The following ZYG11B variants were observed in gnomAD, a reference collection of about 807,000 sequenced individuals.
ZYG11B encodes zyg-11 family member B, cell cycle regulator, also known as protein zyg-11 homolog B.
ZYG11B carries 36 observed loss-of-function variants against 82.4 expected under a neutral mutation model. That is an observed-to-expected ratio of 0.44 (90% CI 0.33 to 0.58). The LOEUF is 0.58. Ranked by LOEUF, ZYG11B falls within the 20% of genes least tolerant of loss-of-function variation. The pLI, the probability that ZYG11B is intolerant of heterozygous loss-of-function variation, is 0.02. For missense variants in ZYG11B, 552 were observed against 895.6 expected, an observed-to-expected ratio of 0.62 and a Z score of 4.90; for synonymous variants, 303 against 312.8, an observed-to-expected ratio of 0.97 and a Z score of 0.33.
chr1:52,761,206 TATC>T (rs1644627522), intron 2 of ZYG11B, among the ~76,000 whole-genome samples: 2 of 152,234 alleles, frequency 1.3e-5, no homozygotes, highest in Admixed American at 1.3e-4. Flanking sequence ...AAATATTCAC[TATC>T]ATCCTTGTAG....
chr1:52,786,772 C>T (rs1172423117), intron 5 of ZYG11B, among the ~76,000 whole-genome samples: 1 of 151,768 alleles, frequency 6.6e-6, no homozygotes, highest in African/African-American at 2.4e-5. Flanking sequence ...CAGAGCAAGA[C>T]CTTGTCTCAA....
chr1:52,746,354 TCA>T (rs566078928), intron 1 of ZYG11B, among the ~76,000 whole-genome samples: 195 of 152,270 alleles, frequency 1.3e-3, no homozygotes, highest in Middle Eastern at 0.01. Context: ...TTGAAATAAC[TCA>T]GTCTTTATTT....
chr1:52,764,705 G>A (rs568554940), intron 2 of ZYG11B, among the ~76,000 whole-genome samples: 2 of 152,274 alleles, frequency 1.3e-5, no homozygotes, highest in Middle Eastern at 6.8e-3. Context: ...TAGAATTACA[G>A]CTTGTGCCAG....
chr1:52,738,238 CTT>C (rs1644394504), intron 1 of ZYG11B, among the ~76,000 whole-genome samples: 1 of 152,084 alleles, frequency 6.6e-6, no homozygotes, highest in Admixed American at 6.6e-5. Context: ...GAGACAAGGT[CTT>C]CACTCTGTCG....
chr1:52,745,176 CAG>C (rs1315827418), intron 1 of ZYG11B, among the ~76,000 whole-genome samples: 3 of 152,156 alleles, frequency 2.0e-5, no homozygotes, highest in Non-Finnish European at 4.4e-5. Flanking sequence ...ACCAACAAAA[CAG>C]ATAACTGACT....
Position 52,813,684 on chromosome 1 carries a change from A to G in ZYG11B, c.1844A>G (p.Gln615Arg), listed in dbSNP as rs148289203. ...IIAHLISRGE[Q>R]AWTLSRSQRN... ...GCCCATTTAATATCCAGAGGTGAACAAGCTTGGACATTGAGTCGTAGCCAG... is the reference window on the plus strand; with the variant it reads ...GCCCATTTAATATCCAGAGGTGAACGAGCTTGGACATTGAGTCGTAGCCAG... Residue 615 changes from glutamine (Q) to arginine (R), a missense_variant, in exon 11 of 14, where the codon CAA becomes CGA. Gln to Arg is a conservative substitution (Grantham distance 43, BLOSUM62 1). Around this residue, in one of 3 missense-constraint regions of ZYG11B, gnomAD observed 127 missense variants for 163.4 expected, o/e 0.78. Transcript: ENST00000294353. 2 of 1,614,028 alleles carry G rather than the reference A, an allele frequency of 1.2e-6. No individual in the cohort carries two copies. The highest frequency in any genetic ancestry group is 1.7e-6 in the Non-Finnish European group (2 of 1,180,040).
intron 1 of ZYG11B, among the ~76,000 whole-genome samples, chr1:52,751,770 G>C (rs941503412): frequency 1.3e-5 from 2 of 152,138 alleles, no homozygotes; most frequent in Non-Finnish European, 2.9e-5. Context: ...GGAGCCCCTA[G>C]ATAACTTCTT....
chr1:52,801,893 A>G lies in ZYG11B; in HGVS notation c.1560A>G (p.Ala520=). Residue 520 remains alanine (A), a synonymous_variant, in exon 9 of 14, where the codon GCA becomes GCG. Transcript: ENST00000294353. ...VDTTLKFTLS[A]LWNLTDESPT... ...CTACATTGAAATTTACTTTGAGTGC[A>G]CTTTGGAACCTCACAGATGAATCTC... The G allele has an allele frequency of 1.2e-6, 2 of 1,613,128 alleles. No homozygotes were observed. Among genetic ancestry groups the G allele is most frequent in the East Asian group, 2.2e-5 (1 of 44,802 alleles).
chr1:52,764,839 A>G (rs895246452), intron 2 of ZYG11B, among the ~76,000 whole-genome samples: 2 of 152,160 alleles, frequency 1.3e-5, no homozygotes, highest in Non-Finnish European at 2.9e-5. Flanking sequence ...CTGAATGACA[A>G]GGAGGGAAGT....
At chr1:52,781,323 A>G (rs1256107792) in intron 4 of ZYG11B, among the ~76,000 whole-genome samples, 1 of 151,974 alleles carries the variant, frequency 6.6e-6, no homozygotes, top group Non-Finnish European at 1.5e-5. Flanking sequence ...ACATGGCAAA[A>G]CCCCATCTCT....
At chr1:52,796,980 A>AAT in intron 8 of ZYG11B, among the ~76,000 whole-genome samples, 196 bp downstream of exon 8, 1 of 66,302 alleles carries the variant, frequency 1.5e-5, no homozygotes, top group African/African-American at 7.2e-5. Context: ...ATATATAAAT[A>AAT]TATATATTTT....
intron 13 of ZYG11B, 100 bp from the exon 14 acceptor site, chr1:52,821,339 A>C (rs1558146446): frequency 3.1e-6 from 4 of 1,270,472 alleles, no homozygotes; most frequent in Non-Finnish European, 4.2e-6. Flanking sequence ...ACAGCTAAAA[A>C]AAAATGGCTC....
In ZYG11B at chr1:52,816,604, C is replaced by T; in HGVS notation, c.2019C>T (p.Ala673=). Residue 673 remains alanine (A), a synonymous_variant, in exon 13 of 14, where the codon GCC becomes GCT. Transcript: ENST00000294353. ...GAGTTCAGCTATGGGCAGTTTGGGC[C>T]ATGCAACATGTCTGCAGCAAGAATC... ...TPGVQLWAVW[A]MQHVCSKNPS... The T allele has an allele frequency of 1.2e-6, 2 of 1,611,224 alleles. No homozygotes were observed. The highest frequency in any genetic ancestry group is 1.7e-6 in the Non-Finnish European group (2 of 1,179,282).
At chr1:52,765,609 G>A (rs534723698) in intron 2 of ZYG11B, among the ~76,000 whole-genome samples, 1 of 151,864 alleles carries the variant, frequency 6.6e-6, no homozygotes, top group African/African-American at 2.4e-5. Flanking sequence ...GCGACCCTTC[G>A]ACCTCAGCCT....
intron 8 of ZYG11B, among the ~76,000 whole-genome samples, chr1:52,800,485 A>T (rs1645067048): frequency 2.0e-5 from 3 of 151,914 alleles, no homozygotes; most frequent in African/African-American, 7.2e-5. Flanking sequence ...AAATCTACTC[A>T]TATGCTTTGG....
At chr1:52,800,339 A>G (rs994098509) in intron 8 of ZYG11B, among the ~76,000 whole-genome samples, 5 of 152,006 alleles carry the variant, frequency 3.3e-5, no homozygotes, top group Admixed American at 3.3e-4. Context: ...CACTAAATAT[A>G]ATATACATTA....
chr1:52,796,984 ATATTTTT>A (rs1645018067), intron 8 of ZYG11B, among the ~76,000 whole-genome samples, 200 bp downstream of exon 8: 1 of 63,464 alleles, frequency 1.6e-5, no homozygotes, highest in Admixed American at 2.9e-4. Flanking sequence ...ATAAATATAT[ATATTTTT>A]TATATAAATA....
chr1:52,752,750 G>A (rs1348740745), intron 1 of ZYG11B, among the ~76,000 whole-genome samples: 1 of 152,144 alleles, frequency 6.6e-6, no homozygotes, highest in East Asian at 1.9e-4. Flanking sequence ...GAATTGAATT[G>A]TAGGATACCC....
intron 4 of ZYG11B, among the ~76,000 whole-genome samples, chr1:52,780,981 A>G (rs1644851603): frequency 6.6e-6 from 1 of 151,984 alleles, no homozygotes; most frequent in Non-Finnish European, 1.5e-5. Context: ...CATCTCTACT[A>G]AAAATACAAA....
Sources: allele counts gnomAD v4.1 joint callset (sites outside exome capture counted in the v4.1 genomes callset), GRCh38; gene constraint gnomAD v4.1.1; regional missense constraint gnomAD v4.1.1; transcripts MANE v1.5; gene names NCBI Gene and HGNC (gene_info 2026-07-23, HGNC 2026-07-21).